Variants in MLXIPL observed in about 807,000 individuals in gnomAD.
MLXIPL encodes the protein MLX interacting protein like, also known as carbohydrate-responsive element-binding protein.
MLXIPL carries 49 observed loss-of-function variants against 81.5 expected under a neutral mutation model. The observed-to-expected ratio is 0.60, with a 90% CI of 0.48 to 0.76. The LOEUF (loss-of-function observed/expected upper bound fraction) is 0.76. Ranked by LOEUF, MLXIPL falls within the 30% of genes least tolerant of loss-of-function variation. MLXIPL has a pLI of 0.00. For synonymous variants in MLXIPL, 466 were observed against 485.5 expected, an observed-to-expected ratio of 0.96 and a Z score of 0.53; for missense variants, 1,053 against 1,167.0, an observed-to-expected ratio of 0.90 and a Z score of 1.42.
At chr7:73,624,652 C>T (rs1205631637), upstream of MLXIPL, 8 of 1,315,310 alleles carry the variant, frequency 6.1e-6, no homozygotes, top group African/African-American at 6.2e-5. Context: ...ATAATCCTTA[C>T]GCCAGGTGAG....
At chr7:73,645,596 G>T in the MLXIPL span, among the ~76,000 whole-genome samples, 1 of 152,134 alleles carries the variant, frequency 6.6e-6, no homozygotes, top group East Asian at 1.9e-4. Context: ...ATCCCCTCTT[G>T]TGTGTTTCTC....
At chr7:73,620,744 A>G (rs1475247033) in intron 1 of MLXIPL, among the ~76,000 whole-genome samples, 2 of 148,166 alleles carry the variant, frequency 1.3e-5, no homozygotes, top group Non-Finnish European at 3.0e-5. Flanking sequence ...TCCGTCTCAG[A>G]AAAAAAAAAG....
chr7:73,598,532 C>T (rs186703145), intron 8 of MLXIPL, among the ~76,000 whole-genome samples: 207 of 152,306 alleles, frequency 1.4e-3, no homozygotes, highest in Non-Finnish European at 2.3e-3. Flanking sequence ...TGTGCCTCCA[C>T]CGCAGTCTAA....
At chr7:73,599,479 G>A in intron 8 of MLXIPL, 47 bp downstream of exon 8, 1 of 1,606,242 alleles carries the variant, frequency 6.2e-7, no homozygotes, top group Non-Finnish European at 8.5e-7. Flanking sequence ...GGCAGGAACA[G>A]CTCTCAAGTG....
chr7:73,596,674 G>A lies in MLXIPL; in HGVS notation c.1787C>T (p.Pro596Leu), dbSNP rs782234673. The A allele has an allele frequency of 2.5e-6, 4 of 1,588,826 alleles. No individual in the cohort carries two copies. In the East Asian group the frequency reaches 9.0e-5, roughly 36 times the overall value. Residue 596 changes from proline (P) to leucine (L), a missense_variant, in exon 11 of 17, where the codon CCC (proline) becomes CTC (leucine). By Grantham distance (98) the Pro-to-Leu change is moderately conservative. This residue lies in a region of MLXIPL where 823 missense variants were observed against 933.0 expected (regional missense o/e 0.88). Coordinates refer to ENST00000313375, the MANE Select transcript of MLXIPL (RefSeq NM_032951.3). The surrounding 1 kb of genome is among the most constrained non-coding windows in gnomAD (Gnocchi z 4.7). ...TLAPSRPLLV[P>L]KAERLSPPAP... ...TGGGGGTGAGAGCCGCTCCGCTTTGGGGACAAGCAGGGGCCTGGAAGGGGC... is the reference window on the plus strand; with the variant it reads ...TGGGGGTGAGAGCCGCTCCGCTTTGAGGACAAGCAGGGGCCTGGAAGGGGC...
At chr7:73,616,807 C>T (rs896087216) in intron 1 of MLXIPL, among the ~76,000 whole-genome samples, 4 of 142,370 alleles carry the variant, frequency 2.8e-5, no homozygotes, top group Non-Finnish European at 4.5e-5. Context: ...GAGATCACAC[C>T]GTTGTACTCC....
upstream of MLXIPL, chr7:73,624,559 G>T: frequency 6.9e-7 from 1 of 1,458,392 alleles, no homozygotes; most frequent in South Asian, 1.4e-5. Flanking sequence ...TTGGCCAGCC[G>T]GGCCTCATTA....
chr7:73,596,591 T>TC lies in MLXIPL; in HGVS notation c.1822+47dup. The TC allele has an allele frequency of 1.9e-6, 3 of 1,600,804 alleles. No homozygotes were observed. The highest frequency in any genetic ancestry group is 1.7e-6 in the Non-Finnish European group (2 of 1,174,044). On this transcript the variant is annotated intron_variant, in intron 11 of 16. Coordinates refer to ENST00000313375, the MANE Select transcript of MLXIPL (RefSeq NM_032951.3). The surrounding 1 kb of genome is among the most constrained non-coding windows in gnomAD (Gnocchi z 4.7). Reference sequence around the variant, plus strand: ...CCAGTCCCCTTCTTCTTCCTCCTCTTCCCCTCATCCCCTAGATTCCCCCAA... The same window carrying TC: ...CCAGTCCCCTTCTTCTTCCTCCTCTTCCCCCTCATCCCCTAGATTCCCCCAA...
chr7:73,593,941 A>T lies in MLXIPL; in HGVS notation c.2483T>A (p.Ile828Asn), dbSNP rs531629654. Residue 828 changes from isoleucine (I) to asparagine (N), a missense_variant, in exon 17 of 17, where the codon ATC (isoleucine) becomes AAC (asparagine). Physicochemically the swap from Ile to Asn is moderately radical, Grantham distance 149. Around this residue, in one of 3 missense-constraint regions of MLXIPL, gnomAD observed 823 missense variants for 933.0 expected, o/e 0.88. Transcript: ENST00000313375. ...AGGGATGCGGCCCGGGTCGGTCAGG[A>T]TACTGGTAGATGTGCCCAGCTGGCG... ...SLRQLGTSTS[I>N]LTDPGRIPEQ... The T allele has an allele frequency of 5.0e-6, 8 of 1,614,052 alleles. No individual in the cohort carries two copies. Among genetic ancestry groups the T allele is most frequent in the Admixed American group, 3.3e-5 (2 of 60,004 alleles).
At position 73,607,061 on chromosome 7, in the gene MLXIPL, T is replaced by C. The variant is rs142697434; in HGVS notation, c.574-43A>G. 538 of 1,605,136 alleles carry C rather than the reference T, an allele frequency of 3.4e-4. 2 individuals carry two copies. The African/African-American group carries it at 4.0e-3, about 12-fold the overall frequency. On this transcript the variant is annotated intron_variant, in intron 4 of 16. Transcript: ENST00000313375. ...GTTGGACACCGGATCCCTTGCCCCA[T>C]CCTCCATCACTTTCCCCCCAAAGTC...
Position 73,623,716 on chromosome 7 carries a change from G to T in MLXIPL, c.293+484C>A, listed in dbSNP as rs534307526. ...GTTATGAACTGGGACAATCAGGGGCGCTGGGAGTATCTCAGGGTCCAGGAA... is the reference window on the plus strand; with the variant it reads ...GTTATGAACTGGGACAATCAGGGGCTCTGGGAGTATCTCAGGGTCCAGGAA... On this transcript the variant is annotated intron_variant, in intron 1 of 16. Transcript: ENST00000313375. The surrounding 1 kb of genome is among the most constrained non-coding windows in gnomAD (Gnocchi z 5.7). Among the ~76,000 whole-genome samples the T allele has an allele frequency of 6.6e-6, 1 of 152,170 alleles. No individual in the cohort carries two copies. Among genetic ancestry groups the T allele is most frequent in the African/African-American group, 2.4e-5 (1 of 41,444 alleles).
the MLXIPL span, among the ~76,000 whole-genome samples, chr7:73,645,029 A>ATTTT: frequency 1.4e-5 from 2 of 146,292 alleles, no homozygotes; most frequent in Admixed American, 6.9e-5. Context: ...TGGGTAGAGC[A>ATTTT]TTTTTTTTTT....
At chr7:73,625,466 C>T (rs995738097), upstream of MLXIPL, among the ~76,000 whole-genome samples, 2 of 152,114 alleles carry the variant, frequency 1.3e-5, no homozygotes, top group Admixed American at 6.6e-5. Context: ...ACATGGTGGC[C>T]AACACGGTGG....
Position 73,623,270 on chromosome 7 carries a change from A to G in MLXIPL, c.293+930T>C, listed in dbSNP as rs1796500910. On this transcript the variant is annotated intron_variant, in intron 1 of 16. Transcript: ENST00000313375. This position sits in a 1 kb window ranked among gnomAD's most constrained non-coding sequence, Gnocchi z 5.7. ...GAGGAGGCGCCGCGGAGGAAGAGGA[A>G]TATTTGCACAGAGAAAAGATCAAGG... 6.6e-6 allele frequency among the ~76,000 whole-genome samples: 1 copy of G among 152,200 alleles called. No homozygotes were observed. The highest frequency in any genetic ancestry group is 2.4e-5 in the African/African-American group (1 of 41,460).
chr7:73,646,698 C>A, the MLXIPL span, among the ~76,000 whole-genome samples: 4 of 152,178 alleles, frequency 2.6e-5, no homozygotes, highest in African/African-American at 9.7e-5. Context: ...CAGAAGCTAC[C>A]CTAGGCTGAG....
rs782306722 is a variant in MLXIPL at position 73,596,768 on chromosome 7, G to A, written c.1693C>T (p.Pro565Ser). The A allele has an allele frequency of 4.4e-6, 7 of 1,603,648 alleles. No homozygotes were observed. In the South Asian group the frequency reaches 6.7e-5, roughly 15 times the overall value. The change falls in exon 11 of 17, where the codon CCC (proline) becomes TCC (serine). Residue 565 changes from proline (P) to serine (S), a missense_variant. Pro to Ser is a moderately conservative substitution (Grantham distance 74). Transcript: ENST00000313375. This position sits in a 1 kb window ranked among gnomAD's most constrained non-coding sequence, Gnocchi z 4.7. ...GGGGTCGGGGGAAGGAATGTGCAGG[G>A]GAATTCAGGGACTGTCTCCTGCTGG... ...GSPQETVPEF[P>S]CTFLPPTPAP...
At chr7:73,610,790 T>G (rs530148880) in intron 2 of MLXIPL, 1 of 151,908 alleles carries the variant, frequency 6.6e-6, no homozygotes, top group African/African-American at 2.4e-5. Flanking sequence ...GTCTCCTTTA[T>G]ACACCTCACC....
At chr7:73,611,338 G>A (rs1332640167) in intron 2 of MLXIPL, 1 of 152,180 alleles carries the variant, frequency 6.6e-6, no homozygotes, top group Non-Finnish European at 1.5e-5. Flanking sequence ...ACACACAGCT[G>A]GTCTACTTAG....
chr7:73,624,657 G>A (rs1331250697), upstream of MLXIPL: 8 of 1,299,940 alleles, frequency 6.2e-6, no homozygotes, highest in Non-Finnish European at 7.9e-6. Flanking sequence ...CCTTACGCCA[G>A]GTGAGAACCC....
Sources: gnomAD v4.1 joint callset for allele counts (sites outside exome capture counted in the v4.1 genomes callset) on GRCh38, gnomAD v4.1.1 for gene constraint, gnomAD v4.1.1 regional missense constraint, Gnocchi (gnomAD v3.1) non-coding constraint, MANE v1.5 for transcripts, NCBI Gene and HGNC (gene_info 2026-07-23, HGNC 2026-07-21) for gene names.